GRID1: variants seen among roughly 807,000 people sequenced by gnomAD.
GRID1 encodes glutamate ionotropic receptor delta type subunit 1.
In GRID1, 28 loss-of-function variants were observed where a neutral mutation model predicts 98.0. The ratio of observed to expected loss-of-function variants is 0.29; its 90% CI spans 0.21 to 0.39. The LOEUF (loss-of-function observed/expected upper bound fraction) is 0.39, where lower values mean the gene tolerates loss of function less well. GRID1 is among the 10% of genes least tolerant of loss of function. The pLI is 1.00. For missense variants in GRID1, 1,111 were observed against 1,340.5 expected (o/e 0.83, Z 2.67); for synonymous variants, 553 against 538.5 (o/e 1.03, Z -0.37).
At position 85,613,445 on chromosome 10, in the gene GRID1, A is replaced by G; in HGVS notation, c.2563T>C (p.Trp855Arg). The change falls in exon 15 of 16, where the codon TGG becomes CGG. Residue 855 changes from tryptophan (W) to arginine (R), a missense_variant. By Grantham distance (101) the Trp-to-Arg change is moderately radical. Transcript: ENST00000327946. ...ACLVAALELW[W>R]NSNRCHQETP... ...TCCTGGTGGCACCGGTTGCTGTTCC[A>G]CCACAACTCCAGGGCAGCCACCAGG... 6.2e-7 allele frequency: 1 copy of G among 1,613,778 alleles called. No individual in the cohort carries two copies. Among genetic ancestry groups the G allele is most frequent in the Non-Finnish European group, 8.5e-7 (1 of 1,179,992 alleles).
intron 4 of GRID1, among the ~76,000 whole-genome samples, chr10:85,954,372 T>C (rs1842163368): frequency 6.6e-6 from 1 of 152,210 alleles, no homozygotes. Context: ...TCTCTCTTTA[T>C]CCTATGTCCT....
intron 4 of GRID1, among the ~76,000 whole-genome samples, chr10:85,961,080 T>A: frequency 6.6e-6 from 1 of 152,036 alleles, no homozygotes; most frequent in East Asian, 1.9e-4. Context: ...GGGCCCTGCC[T>A]TGTTGAATGG....
chr10:86,149,819 G>A (rs753727626), intron 3 of GRID1, among the ~76,000 whole-genome samples: 4 of 152,086 alleles, frequency 2.6e-5, no homozygotes, highest in South Asian at 2.1e-4. Flanking sequence ...ATAAAATTCC[G>A]CGGTGTTTAT....
In GRID1 at chr10:85,988,574, G is replaced by A. The variant is rs555716515; in HGVS notation, c.727-72335C>T. Among the ~76,000 whole-genome samples the A allele has an allele frequency of 2.6e-5, 4 of 152,322 alleles. No homozygotes were observed. The East Asian group carries it at 7.7e-4, about 29-fold the overall frequency. The stretch of plus-strand genomic sequence containing the variant: ...TAGGGAATGACTTTAAGCAGAGAAA[G>A]TGTGATCCTCTCAAGGTCACCGTTG... On this transcript the variant is annotated intron_variant, in intron 4 of 15. Transcript: ENST00000327946.
intron 4 of GRID1, among the ~76,000 whole-genome samples, chr10:85,957,530 T>G (rs973056820): frequency 6.6e-6 from 1 of 152,062 alleles, no homozygotes; most frequent in African/African-American, 2.4e-5. Context: ...AGACTACACA[T>G]AAGGGCAAGA....
intron 4 of GRID1, among the ~76,000 whole-genome samples, chr10:86,080,016 C>A (rs1326210581): frequency 6.6e-6 from 1 of 152,122 alleles, no homozygotes; most frequent in Admixed American, 6.5e-5. Context: ...AAGGAAGTGA[C>A]CACCATGGCC....
intron 2 of GRID1, among the ~76,000 whole-genome samples, chr10:86,314,413 C>T (rs1165159194): frequency 6.6e-6 from 1 of 152,246 alleles, no homozygotes. Context: ...CCTCCCACTC[C>T]TTGGGCTCTG....
chr10:85,727,026 G>A (rs1457713221), intron 10 of GRID1, among the ~76,000 whole-genome samples: 2 of 152,236 alleles, frequency 1.3e-5, no homozygotes, highest in Non-Finnish European at 2.9e-5. Flanking sequence ...TGTGCTGTGA[G>A]AGTAAAAGTT....
intron 2 of GRID1, among the ~76,000 whole-genome samples, chr10:86,299,584 A>T (rs1353848871): frequency 6.6e-6 from 1 of 151,674 alleles, no homozygotes; most frequent in African/African-American, 2.4e-5. Flanking sequence ...CAAACACCAC[A>T]TGTTCTCACT....
chr10:86,206,727 C>T lies in GRID1; in HGVS notation c.236-79G>A. The T allele has an allele frequency of 7.3e-7, 1 of 1,373,798 alleles. No homozygotes were observed. Among genetic ancestry groups the T allele is most frequent in the East Asian group, 2.4e-5 (1 of 41,958 alleles). 85.1% of individuals were successfully genotyped at this position (1,373,798 alleles called of 1,614,324 possible). On this transcript the variant is annotated intron_variant, in intron 2 of 15. Transcript: ENST00000327946. This position sits in a 1 kb window ranked among gnomAD's most constrained non-coding sequence, Gnocchi z 4.1. ...CAGCTTCAACCTGCAGGCCCCATGC[C>T]TGGCAGCTCATGCCCAGGACTCCCA...
chr10:86,162,280 A>G (rs1845334029), intron 3 of GRID1, among the ~76,000 whole-genome samples: 1 of 152,064 alleles, frequency 6.6e-6, no homozygotes, highest in Non-Finnish European at 1.5e-5. Context: ...ACTGACCCAG[A>G]AGCAAAGACA....
rs566199774 is a variant in GRID1 at position 85,959,113 on chromosome 10, T to A, written c.727-42874A>T. Among the ~76,000 whole-genome samples the A allele has an allele frequency of 3.9e-4, 59 of 152,340 alleles. 1 individual carries two copies. The Middle Eastern group carries it at 0.024, about 61-fold the overall frequency. On this transcript the variant is annotated intron_variant, in intron 4 of 15. Coordinates refer to ENST00000327946, the MANE Select transcript of GRID1 (RefSeq NM_017551.3). Reference sequence around the variant, plus strand: ...TCTTTCAGACTGGAACTGACACCGCTGGCTCTCCTGGGTCTCCTGTTTCCT... The same window carrying A: ...TCTTTCAGACTGGAACTGACACCGCAGGCTCTCCTGGGTCTCCTGTTTCCT...
In GRID1 at chr10:85,877,008, G is replaced by A. The variant is rs944937001; in HGVS notation, c.781-7828C>T. 3.9e-5 allele frequency among the ~76,000 whole-genome samples: 6 copies of A among 152,332 alleles called. No homozygotes were observed. The South Asian group carries it at 8.3e-4, about 21-fold the overall frequency. ...GCCCACGGAGTCTCGCTGATTGCTA[G>A]CACAGCAGTCTGAGATCAAACTGCA... On this transcript the variant is annotated intron_variant, in intron 5 of 15. Coordinates refer to ENST00000327946, the MANE Select transcript of GRID1 (RefSeq NM_017551.3).
At chr10:86,166,849 G>GT (rs1845406601) in intron 3 of GRID1, among the ~76,000 whole-genome samples, 1 of 152,174 alleles carries the variant, frequency 6.6e-6, no homozygotes, top group African/African-American at 2.4e-5. Flanking sequence ...TCTGGCCCAA[G>GT]TACCTCCTTA....
At chr10:86,187,065 A>T (rs1845735284) in intron 3 of GRID1, among the ~76,000 whole-genome samples, 1 of 152,138 alleles carries the variant, frequency 6.6e-6, no homozygotes, top group Non-Finnish European at 1.5e-5. Context: ...TTTAGCTTTT[A>T]CCTTATCATT....
intron 8 of GRID1, among the ~76,000 whole-genome samples, chr10:85,812,075 C>A (rs1842676819): frequency 6.6e-6 from 1 of 152,168 alleles, no homozygotes; most frequent in Non-Finnish European, 1.5e-5. Flanking sequence ...GAAAAACATA[C>A]TGCCAGTCAA....
chr10:86,031,982 C>A (rs74588030), intron 4 of GRID1, among the ~76,000 whole-genome samples: 290 of 152,244 alleles, frequency 1.9e-3, no homozygotes, highest in Non-Finnish European at 3.2e-3. Flanking sequence ...GTCAGAGGGG[C>A]CTTCTCTCCC....
chr10:85,608,875 T>C (rs535385428), intron 15 of GRID1, among the ~76,000 whole-genome samples: 1 of 152,292 alleles, frequency 6.6e-6, no homozygotes, highest in East Asian at 1.9e-4. Context: ...TCACTATTCT[T>C]ACTCTCATGC....
At chr10:85,790,897 C>T (rs1842472417) in intron 8 of GRID1, among the ~76,000 whole-genome samples, 2 of 152,176 alleles carry the variant, frequency 1.3e-5, no homozygotes, top group South Asian at 2.1e-4. Flanking sequence ...CCAGGCACAG[C>T]CCCGCTCTCT....
Sources: gnomAD v4.1 joint callset for allele counts (sites outside exome capture counted in the v4.1 genomes callset) on GRCh38, gnomAD v4.1.1 for gene constraint, Gnocchi (gnomAD v3.1) non-coding constraint, MANE v1.5 for transcripts, NCBI Gene and HGNC (gene_info 2026-07-23, HGNC 2026-07-21) for gene names.